The following FBN1 variants were observed in gnomAD, a reference collection of about 807,000 sequenced individuals.
FBN1 encodes the protein fibrillin 1.
FBN1 carries 29 observed loss-of-function variants against 365.1 expected under a neutral mutation model. The ratio of observed to expected loss-of-function variants is 0.08; its 90% CI spans 0.06 to 0.11. FBN1 has a LOEUF of 0.11. FBN1 is among the 10% of genes least tolerant of loss of function. The pLI is 1.00. For synonymous variants in FBN1, 1,210 were observed against 1,270.5 expected (o/e 0.95, Z 1.01); for missense variants, 2,476 against 3,703.2 (o/e 0.67, Z 8.60).
intron 2 of FBN1, among the ~76,000 whole-genome samples, chr15:48,620,466 C>G (rs2140748948): frequency 6.6e-6 from 1 of 152,262 alleles, no homozygotes; most frequent in East Asian, 1.9e-4. Flanking sequence ...TGTGAGGAAG[C>G]TGGGCCATAG....
chr15:48,531,389 C>T (rs1470107112), intron 8 of FBN1, among the ~76,000 whole-genome samples: 1 of 152,114 alleles, frequency 6.6e-6, no homozygotes, highest in Non-Finnish European at 1.5e-5. Flanking sequence ...TGAGGGTTAG[C>T]ATCTTGTGAA....
chr15:48,538,222 C>T (rs867399520), intron 6 of FBN1, among the ~76,000 whole-genome samples: 3 of 152,164 alleles, frequency 2.0e-5, no homozygotes, highest in Admixed American at 2.0e-4. Context: ...AAATCCCTGA[C>T]CTCACAGAGC....
At position 48,468,405 on chromosome 15, in the gene FBN1, G is replaced by T. The variant is rs768496209; in HGVS notation, c.4582+7C>A. 6.2e-7 allele frequency: 1 copy of T among 1,613,830 alleles called. No individual in the cohort carries two copies. ...CTTGCTTCTCTGAAAAGTTTTTAAG[G>T]TCTTACCAACACAGCCAACTCGAGT... is the stretch of plus-strand genomic sequence containing the variant. On this transcript the variant is annotated splice_region_variant and intron_variant, in intron 37 of 65. Coordinates refer to ENST00000316623, the MANE Select transcript of FBN1 (RefSeq NM_000138.5).
rs1426716 is a variant in FBN1 at position 48,445,127 on chromosome 15, T to C, written c.5917+249A>G. ...GTGATTATATATATATATACACATA[T>C]ATATATATACACACACACATATATA... is the stretch of plus-strand genomic sequence containing the variant. On this transcript the variant is annotated intron_variant, in intron 48 of 65. Transcript: ENST00000316623. 0.022 allele frequency among the ~76,000 whole-genome samples: 3,086 copies of C among 141,186 alleles called. 109 individuals carry two copies. Among genetic ancestry groups the C allele is most frequent in the African/African-American group, 0.071 (2,766 of 39,232 alleles). 92.6% of individuals were successfully genotyped at this position (141,186 alleles called of 152,430 possible).
In FBN1 at chr15:48,644,647, C is replaced by T; in HGVS notation, c.123G>A (p.Arg41=). The T allele has an allele frequency of 6.2e-7, 1 of 1,613,898 alleles. No homozygotes were observed. Among genetic ancestry groups the T allele is most frequent in the South Asian group, 1.1e-5 (1 of 91,084 alleles). The stretch of plus-strand genomic sequence containing the variant: ...GTCCTCCACCGCCTCTTCTCTTGGC[C>T]CGACTGGCTCTGGTTTCCTTCACGT... ...AGNVKETRAS[R]AKRRGGGGHD... Residue 41 remains arginine, a synonymous_variant, in exon 2 of 66, where the codon CGG becomes CGA. Transcript: ENST00000316623.
chr15:48,426,611 C>T lies in FBN1; in HGVS notation c.7205-747G>A, dbSNP rs552618078. The stretch of plus-strand genomic sequence containing the variant: ...CTTACTGCTTGGCGAAGTGCCGATA[C>T]AAGCACTTTCTACATGGGTTCTCAG... On this transcript the variant is annotated intron_variant, in intron 58 of 65. Transcript: ENST00000316623. Among the ~76,000 whole-genome samples, 7 of 152,252 alleles carry T rather than the reference C, an allele frequency of 4.6e-5. 1 individual carries two copies. In the South Asian group the frequency reaches 1.5e-3, roughly 32 times the overall value.
chr15:48,515,796 T>C (rs1379361467), intron 11 of FBN1, among the ~76,000 whole-genome samples: 1 of 152,182 alleles, frequency 6.6e-6, no homozygotes, highest in Non-Finnish European at 1.5e-5. Flanking sequence ...TTTGCAGAAA[T>C]AACAAAGGCA....
At chr15:48,644,393 A>T in intron 2 of FBN1, 1 of 677,804 alleles carries the variant, frequency 1.5e-6, no homozygotes, top group Non-Finnish European at 2.6e-6. Flanking sequence ...GATTCCATTT[A>T]ACCACGTCCT....
At chr15:48,629,969 A>G (rs1889953697) in intron 2 of FBN1, among the ~76,000 whole-genome samples, 1 of 152,216 alleles carries the variant, frequency 6.6e-6, no homozygotes, top group Non-Finnish European at 1.5e-5. Context: ...CAATCCCAAC[A>G]TGTGTACCAT....
intron 6 of FBN1, among the ~76,000 whole-genome samples, chr15:48,594,203 T>C (rs997368559): frequency 7.2e-5 from 11 of 152,074 alleles, no homozygotes; most frequent in African/African-American, 2.7e-4. Flanking sequence ...TCAAAAAGAC[T>C]CCTCTCTCCC....
At chr15:48,629,497 C>T (rs1357333864) in intron 2 of FBN1, among the ~76,000 whole-genome samples, 1 of 152,034 alleles carries the variant, frequency 6.6e-6, no homozygotes, top group Non-Finnish European at 1.5e-5. Flanking sequence ...TTTAAATATT[C>T]ACTGAATATT....
chr15:48,565,318 A>C (rs2065781517), intron 6 of FBN1, among the ~76,000 whole-genome samples: 1 of 152,208 alleles, frequency 6.6e-6, no homozygotes, highest in Admixed American at 6.5e-5. Flanking sequence ...TTCTAATTCA[A>C]AAAAATTATG....
intron 6 of FBN1, among the ~76,000 whole-genome samples, chr15:48,575,802 TACACACACACACACACACACACAC>T (rs58125518): frequency 7.1e-6 from 1 of 140,126 alleles, no homozygotes; most frequent in South Asian, 2.3e-4. Flanking sequence ...AAATGTGAGA[TACACACACACACACACACACACAC>T]ACACACACAC....
chr15:48,417,426 CCCCCT>C (rs1264422483), intron 63 of FBN1, among the ~76,000 whole-genome samples: 2 of 129,002 alleles, frequency 1.6e-5, no homozygotes, highest in Non-Finnish European at 3.2e-5. Context: ...TCCTTCCTTC[CCCCCT>C]CCCCTCCCCT....
chr15:48,640,021 T>C (rs1192114505), intron 2 of FBN1, among the ~76,000 whole-genome samples: 2 of 152,176 alleles, frequency 1.3e-5, no homozygotes, highest in Non-Finnish European at 2.9e-5. Context: ...ATCAGTATAA[T>C]ACTATAATTT....
chr15:48,584,308 C>A (rs551342885), intron 6 of FBN1, among the ~76,000 whole-genome samples: 1 of 152,102 alleles, frequency 6.6e-6, no homozygotes, highest in Non-Finnish European at 1.5e-5. Flanking sequence ...CAGCAAGTAG[C>A]AAGATTTATC....
intron 31 of FBN1, 123 bp downstream of exon 31, chr15:48,483,695 G>T (rs2043483712): frequency 3.7e-6 from 4 of 1,079,286 alleles, no homozygotes; most frequent in Middle Eastern, 2.1e-4. Flanking sequence ...TGAGTATTGT[G>T]CCTCTAAATA....
chr15:48,588,334 T>C (rs1016617934), intron 6 of FBN1, among the ~76,000 whole-genome samples: 2 of 152,216 alleles, frequency 1.3e-5, no homozygotes, highest in Non-Finnish European at 2.9e-5. Context: ...TTCATGTGGC[T>C]ACAAGAAAAG....
At chr15:48,483,561 G>T (rs917717726) in intron 31 of FBN1, among the ~76,000 whole-genome samples, 4 of 152,190 alleles carry the variant, frequency 2.6e-5, no homozygotes, top group African/African-American at 9.7e-5. Context: ...CAAAAGTAAT[G>T]GATAGGCATA....
Sources: gnomAD v4.1 joint callset for allele counts (sites outside exome capture counted in the v4.1 genomes callset) on GRCh38, gnomAD v4.1.1 for gene constraint, MANE v1.5 for transcripts, NCBI Gene and HGNC (gene_info 2026-07-23, HGNC 2026-07-21) for gene names.